The following CSMD3 variants were observed in gnomAD, a reference collection of about 807,000 sequenced individuals.
CSMD3 encodes CUB and Sushi multiple domains 3.
Under a neutral mutation model 435.2 loss-of-function variants are expected in CSMD3, and 177 were observed. The ratio of observed to expected loss-of-function variants is 0.41; its 90% confidence interval spans 0.36 to 0.46. The LOEUF is 0.46. Ranked by LOEUF, CSMD3 falls within the 20% of genes least tolerant of loss-of-function variation. The probability of loss-of-function intolerance (pLI) is 0.34; values close to 1 mark genes in which losing one functional copy is unlikely to be tolerated. For missense variants in CSMD3, 4,265 were observed against 4,504.6 expected (o/e 0.95, Z 1.52); for synonymous variants, 1,656 against 1,520.5 (o/e 1.09, Z -2.07).
At chr8:113,081,856 G>C (rs1215516927) in intron 5 of CSMD3, among the ~76,000 whole-genome samples, 1 of 152,076 alleles carries the variant, frequency 6.6e-6, no homozygotes, top group East Asian at 1.9e-4. Context: ...GCACAACAGG[G>C]TGGCTCACCT....
At chr8:113,411,842 T>C (rs1477280940) in intron 1 of CSMD3, among the ~76,000 whole-genome samples, 1 of 152,160 alleles carries the variant, frequency 6.6e-6, no homozygotes, top group Non-Finnish European at 1.5e-5. Context: ...GGTAGTTTCA[T>C]GATGGAAAAA....
At chr8:112,650,120 T>C (rs1477532361) in intron 19 of CSMD3, 41 bp downstream of exon 19, 1 of 1,370,064 alleles carries the variant, frequency 7.3e-7, no homozygotes, top group Admixed American at 1.7e-5. Flanking sequence ...GATTTTTCTG[T>C]TTATAAATCA....
intron 38 of CSMD3, among the ~76,000 whole-genome samples, chr8:112,370,350 A>T (rs546031655): frequency 6.6e-6 from 1 of 152,326 alleles, no homozygotes; most frequent in African/African-American, 2.4e-5. Flanking sequence ...GCTAATTACA[A>T]TTATTACCTA....
intron 44 of CSMD3, among the ~76,000 whole-genome samples, chr8:112,335,745 T>A (rs1281802014): frequency 6.6e-6 from 1 of 151,588 alleles, no homozygotes; most frequent in Non-Finnish European, 1.5e-5. Flanking sequence ...TTGTTTTTTT[T>A]TTTTTTTACC....
chr8:113,404,597 T>A (rs1444409271), intron 1 of CSMD3, among the ~76,000 whole-genome samples: 3 of 151,378 alleles, frequency 2.0e-5, no homozygotes, highest in African/African-American at 7.3e-5. Context: ...AACCCTGATA[T>A]TGTCTGAGCA....
At chr8:113,317,040 T>C (rs573227768) in intron 1 of CSMD3, among the ~76,000 whole-genome samples, 107 of 152,252 alleles carry the variant, frequency 7.0e-4, no homozygotes, top group Non-Finnish European at 1.1e-3. Context: ...TAAAGCATAG[T>C]TCTTGTTATC....
chr8:112,350,633 GA>G (rs1052046004), intron 40 of CSMD3, among the ~76,000 whole-genome samples: 6 of 151,630 alleles, frequency 4.0e-5, no homozygotes, highest in Middle Eastern at 3.4e-3. Context: ...ATGAGGAAGA[GA>G]AAAAAAAGCA....
At chr8:112,935,686 C>G (rs10216764) in intron 9 of CSMD3, among the ~76,000 whole-genome samples, 6,067 of 148,494 alleles carry the variant, frequency 0.041, 413 homozygotes, top group African/African-American at 0.14. Flanking sequence ...GAAGAATGAT[C>G]CAAAATGAGC....
intron 28 of CSMD3, among the ~76,000 whole-genome samples, chr8:112,511,900 G>T (rs1823183583): frequency 6.6e-6 from 1 of 152,124 alleles, no homozygotes. Flanking sequence ...TTTACCAGAA[G>T]TGGATTCCAT....
chr8:113,046,451 C>T (rs1440618873), intron 5 of CSMD3, among the ~76,000 whole-genome samples: 4 of 131,210 alleles, frequency 3.0e-5, no homozygotes, highest in African/African-American at 1.0e-4. Flanking sequence ...AGGTGTCTCC[C>T]TCTGAGAGTT....
intron 3 of CSMD3, among the ~76,000 whole-genome samples, chr8:113,271,250 G>T (rs2132418319): frequency 6.6e-6 from 1 of 152,278 alleles, no homozygotes; most frequent in East Asian, 1.9e-4. Flanking sequence ...AATTTGCTAA[G>T]TAACAAGGCA....
chr8:112,749,671 G>C (rs984768066), intron 13 of CSMD3, among the ~76,000 whole-genome samples: 3 of 152,148 alleles, frequency 2.0e-5, no homozygotes, highest in Non-Finnish European at 4.4e-5. Context: ...TGTGGCCTAA[G>C]TGATGGATGA....
intron 6 of CSMD3, 136 bp from the exon 7 acceptor site, chr8:112,976,284 C>A: frequency 2.0e-6 from 2 of 1,000,084 alleles, no homozygotes; most frequent in South Asian, 3.1e-5. Context: ...CACAAACACG[C>A]GAGTAAATTG....
chr8:112,333,614 T>G (rs894774293), intron 45 of CSMD3, among the ~76,000 whole-genome samples: 3 of 152,146 alleles, frequency 2.0e-5, no homozygotes, highest in Non-Finnish European at 4.4e-5. Flanking sequence ...AGATTTTGTG[T>G]TTATGTATAT....
chr8:112,577,851 A>AAGGC (rs1830059952), intron 23 of CSMD3, among the ~76,000 whole-genome samples: 1 of 152,116 alleles, frequency 6.6e-6, no homozygotes, highest in African/African-American at 2.4e-5. Flanking sequence ...ATATAAATAG[A>AAGGC]AGGCATATTC....
intron 3 of CSMD3, among the ~76,000 whole-genome samples, chr8:113,258,318 G>A (rs1457692947): frequency 1.3e-5 from 2 of 152,124 alleles, no homozygotes; most frequent in African/African-American, 2.4e-5. Flanking sequence ...GATAGTACAC[G>A]AGAATATTTG....
At chr8:113,293,058 T>C (rs1021889241) in intron 2 of CSMD3, among the ~76,000 whole-genome samples, 1 of 151,902 alleles carries the variant, frequency 6.6e-6, no homozygotes, top group African/African-American at 2.4e-5. Flanking sequence ...ATTGCAACCA[T>C]GACACACCTT....
At chr8:113,143,577 A>G (rs2091601416) in intron 4 of CSMD3, among the ~76,000 whole-genome samples, 1 of 151,452 alleles carries the variant, frequency 6.6e-6, no homozygotes, top group African/African-American at 2.4e-5. Flanking sequence ...GTAGTTAAAT[A>G]AACTACAGTA....
chr8:112,227,177 T>C (rs978479678), intron 70 of CSMD3, among the ~76,000 whole-genome samples: 3 of 152,172 alleles, frequency 2.0e-5, no homozygotes, highest in Non-Finnish European at 2.9e-5. Context: ...AACTCAAATG[T>C]CCATCAATTG....
Sources: gnomAD v4.1 joint callset for allele counts (sites outside exome capture counted in the v4.1 genomes callset) on GRCh38, gnomAD v4.1.1 for gene constraint, MANE v1.5 for transcripts, NCBI Gene and HGNC (gene_info 2026-07-23, HGNC 2026-07-21) for gene names.